The following PIK3C2G variants were observed in gnomAD, a reference collection of about 807,000 sequenced individuals.
The protein encoded by PIK3C2G is phosphatidylinositol 3-kinase C2 domain-containing subunit gamma.
PIK3C2G carries 168 observed loss-of-function variants against 181.1 expected under a neutral mutation model. That is an observed-to-expected ratio of 0.93 (90% CI 0.82 to 1.05). PIK3C2G has a LOEUF of 1.05. PIK3C2G is among the 50% of genes least tolerant of loss of function. PIK3C2G has a pLI of 0.00. For synonymous variants in PIK3C2G, 573 were observed against 592.2 expected, an observed-to-expected ratio of 0.97 and a Z score of 0.47; for missense variants, 1,869 against 1,732.8, an observed-to-expected ratio of 1.08 and a Z score of -1.40.
At chr12:18,415,451 T>C (rs1233690423) in intron 16 of PIK3C2G, among the ~76,000 whole-genome samples, 1 of 152,214 alleles carries the variant, frequency 6.6e-6, no homozygotes, top group Non-Finnish European at 1.5e-5. Context: ...TTCCACCTGC[T>C]GGCTGCTCCC....
chr12:18,715,234 C>A, the PIK3C2G span, among the ~76,000 whole-genome samples: 1 of 124,962 alleles, frequency 8.0e-6, no homozygotes, highest in Admixed American at 9.9e-5. Flanking sequence ...ACCTTATATA[C>A]CCTTGGGAAT....
intron 28 of PIK3C2G, 47 bp from the exon 29 acceptor site, chr12:18,566,902 G>A (rs1179204729): frequency 2.2e-6 from 2 of 910,356 alleles, no homozygotes; most frequent in Admixed American, 1.8e-5. Context: ...AGATGAAAAG[G>A]CCAGTTTTCA....
At chr12:18,621,579 T>TTA (rs71846830) in intron 31 of PIK3C2G, among the ~76,000 whole-genome samples, 1 of 151,706 alleles carries the variant, frequency 6.6e-6, no homozygotes, top group African/African-American at 2.4e-5. Flanking sequence ...ATAACATGTT[T>TTA]TATATATATG....
chr12:18,577,982 C>A (rs1435675038), intron 29 of PIK3C2G, among the ~76,000 whole-genome samples: 1 of 152,182 alleles, frequency 6.6e-6, no homozygotes, highest in African/African-American at 2.4e-5. Context: ...ATTTTATACT[C>A]TCTGGCCAGG....
At chr12:18,628,278 A>G (rs1949190118) in intron 31 of PIK3C2G, among the ~76,000 whole-genome samples, 1 of 152,172 alleles carries the variant, frequency 6.6e-6, no homozygotes. Flanking sequence ...TTCCCCATAT[A>G]CACATATGAA....
At chr12:18,264,086 C>A (rs1460729480) in intron 1 of PIK3C2G, among the ~76,000 whole-genome samples, 1 of 152,050 alleles carries the variant, frequency 6.6e-6, no homozygotes, top group African/African-American at 2.4e-5. Context: ...TTCTTTGCTT[C>A]CTACCGGTAG....
intron 18 of PIK3C2G, among the ~76,000 whole-genome samples, chr12:18,478,732 C>T (rs1939248166): frequency 6.6e-6 from 1 of 152,132 alleles, no homozygotes; most frequent in East Asian, 1.9e-4. Context: ...AATCCCAACA[C>T]TTTGGGAGGC....
At chr12:18,651,226 A>G (rs1591794703), downstream of PIK3C2G, among the ~76,000 whole-genome samples, 1 of 151,836 alleles carries the variant, frequency 6.6e-6, no homozygotes, top group South Asian at 2.1e-4. Context: ...TCTTCCCAAA[A>G]TGTGCCTTTG....
chr12:18,574,320 A>G (rs193192826), intron 29 of PIK3C2G, among the ~76,000 whole-genome samples: 16 of 152,360 alleles, frequency 1.1e-4, no homozygotes, highest in African/African-American at 3.6e-4. Flanking sequence ...TCAGATCTTG[A>G]TAACTTTAAT....
chr12:18,505,860 C>T (rs983829322), intron 24 of PIK3C2G, among the ~76,000 whole-genome samples: 5 of 152,148 alleles, frequency 3.3e-5, no homozygotes, highest in African/African-American at 1.2e-4. Flanking sequence ...GCTTACTTCC[C>T]ACACTGAACT....
At chr12:18,354,232 A>G (rs1215354050) in intron 11 of PIK3C2G, among the ~76,000 whole-genome samples, 1 of 152,236 alleles carries the variant, frequency 6.6e-6, no homozygotes, top group African/African-American at 2.4e-5. Flanking sequence ...AATTTGCCTC[A>G]AGTCCTGTAG....
intron 18 of PIK3C2G, among the ~76,000 whole-genome samples, chr12:18,487,273 A>C (rs1372040016): frequency 6.6e-6 from 1 of 152,118 alleles, no homozygotes; most frequent in Non-Finnish European, 1.5e-5. Flanking sequence ...AAAAAACTGC[A>C]AACTCATTCA....
chr12:18,634,746 G>A (rs1375108503), intron 31 of PIK3C2G, among the ~76,000 whole-genome samples: 1 of 152,094 alleles, frequency 6.6e-6, no homozygotes, highest in African/African-American at 2.4e-5. Flanking sequence ...GCAATGACAG[G>A]GTGACAGGGG....
At chr12:18,310,616 A>G (rs1320125064) in intron 5 of PIK3C2G, among the ~76,000 whole-genome samples, 1 of 151,922 alleles carries the variant, frequency 6.6e-6, no homozygotes, top group Non-Finnish European at 1.5e-5. Context: ...ATTGCAATAG[A>G]AAAGCTTTAA....
At chr12:18,309,431 T>C (rs1197291540) in intron 5 of PIK3C2G, among the ~76,000 whole-genome samples, 3 of 668 alleles carry the variant, frequency 4.5e-3, no homozygotes, top group African/African-American at 0.018. Flanking sequence ...TTTCTGAAGT[T>C]GTTTTCCTTA....
intron 6 of PIK3C2G, 60 bp downstream of exon 6, chr12:18,314,124 C>T: frequency 1.2e-6 from 1 of 827,970 alleles, no homozygotes; most frequent in Non-Finnish European, 1.9e-6. Flanking sequence ...GACAATATTT[C>T]TAATTTTTGA....
chr12:18,553,415 T>C (rs961162675), intron 26 of PIK3C2G, among the ~76,000 whole-genome samples: 1 of 152,100 alleles, frequency 6.6e-6, no homozygotes, highest in African/African-American at 2.4e-5. Context: ...TTGATTCAGT[T>C]TGTTCTGATT....
intron 29 of PIK3C2G, among the ~76,000 whole-genome samples, chr12:18,593,181 C>T (rs116150800): frequency 7.5e-4 from 114 of 152,048 alleles, no homozygotes; most frequent in African/African-American, 2.6e-3. Context: ...AGTATTACCC[C>T]ATCCTAAGTT....
At chr12:18,692,560 T>C in the PIK3C2G span, among the ~76,000 whole-genome samples, 1 of 151,446 alleles carries the variant, frequency 6.6e-6, no homozygotes, top group African/African-American at 2.4e-5. Context: ...AAGACGAGAG[T>C]CTGGAGGAAA....
Sources: gnomAD v4.1 joint callset for allele counts (sites outside exome capture counted in the v4.1 genomes callset) on GRCh38, gnomAD v4.1.1 for gene constraint, MANE v1.5 for transcripts, NCBI Gene and HGNC (gene_info 2026-07-23, HGNC 2026-07-21) for gene names.